SEMA3D: variants seen among roughly 807,000 people sequenced by gnomAD.
SEMA3D encodes semaphorin-3D.
In SEMA3D, 84 loss-of-function variants were observed where a neutral mutation model predicts 100.1. The ratio of observed to expected loss-of-function variants is 0.84; its 90% CI spans 0.70 to 1.01. SEMA3D has a LOEUF of 1.01. SEMA3D is among the 50% of genes least tolerant of loss of function. SEMA3D has a pLI of 0.00. For synonymous variants in SEMA3D, 312 were observed against 320.7 expected, an observed-to-expected ratio of 0.97 and a Z score of 0.29; for missense variants, 875 against 934.1, an observed-to-expected ratio of 0.94 and a Z score of 0.82.
At chr7:85,246,696 A>C in the SEMA3D span, among the ~76,000 whole-genome samples, 3 of 152,072 alleles carry the variant, frequency 2.0e-5, no homozygotes, top group Admixed American at 1.3e-4. Flanking sequence ...CACTGAAAAA[A>C]ACCTGATAAT....
Position 85,141,601 on chromosome 7 carries a change from C to G in SEMA3D, c.-41+12007G>C, listed in dbSNP as rs1790053924. ...TTACTTAAGTTCCCTTCTTTGTGATCTCTATAAATCATTTCTGGCACATAT... is the reference window on the plus strand; with the variant it reads ...TTACTTAAGTTCCCTTCTTTGTGATGTCTATAAATCATTTCTGGCACATAT... On this transcript the variant is annotated intron_variant, in intron 2 of 18. Coordinates refer to ENST00000284136, the MANE Select transcript of SEMA3D (RefSeq NM_001384900.1). 3 of 983,818 alleles carry G rather than the reference C, an allele frequency of 3.0e-6. No homozygotes were observed. The South Asian group carries it at 1.4e-4, about 46-fold the overall frequency. The allele number at this position is 983,818 out of a possible 1,614,324, so 60.9% of individuals were successfully genotyped here.
At chr7:85,194,288 A>C in the SEMA3D span, among the ~76,000 whole-genome samples, 1 of 152,238 alleles carries the variant, frequency 6.6e-6, no homozygotes, top group South Asian at 2.1e-4. Flanking sequence ...TTCTGATCTT[A>C]GTGATAAAGC....
chr7:85,142,575 G>A (rs1007926351), intron 2 of SEMA3D: 15 of 983,738 alleles, frequency 1.5e-5, no homozygotes, highest in African/African-American at 1.2e-4. Context: ...AGAGCAGAAC[G>A]TAGACAAGTT....
At chr7:85,224,465 T>G in the SEMA3D span, among the ~76,000 whole-genome samples, 1 of 152,262 alleles carries the variant, frequency 6.6e-6, no homozygotes, top group South Asian at 2.1e-4. Flanking sequence ...AAGTTATGGC[T>G]GAAATTAATT....
At chr7:85,090,596 G>T (rs1449361298) in intron 4 of SEMA3D, among the ~76,000 whole-genome samples, 2 of 152,084 alleles carry the variant, frequency 1.3e-5, no homozygotes, top group Non-Finnish European at 2.9e-5. Context: ...AAGTGAGAAG[G>T]TTATTTATTC....
chr7:85,113,091 C>T (rs765120665), intron 3 of SEMA3D, among the ~76,000 whole-genome samples: 14 of 152,004 alleles, frequency 9.2e-5, no homozygotes, highest in African/African-American at 2.4e-4. Context: ...GTGATGATGG[C>T]GAGATAGAAA....
chr7:85,167,125 G>T, intron 1 of SEMA3D: 1 of 247,756 alleles, frequency 4.0e-6, no homozygotes, highest in Non-Finnish European at 6.4e-6. Context: ...ACTGAGACCC[G>T]CCTGAAGATC....
chr7:85,129,694 A>C (rs1168763494), intron 2 of SEMA3D, among the ~76,000 whole-genome samples: 1 of 152,148 alleles, frequency 6.6e-6, no homozygotes, highest in African/African-American at 2.4e-5. Flanking sequence ...GAAAGCAGTA[A>C]ATAATTATGA....
chr7:85,070,866 C>T (rs774255751), intron 6 of SEMA3D, among the ~76,000 whole-genome samples: 3 of 152,128 alleles, frequency 2.0e-5, no homozygotes, highest in Non-Finnish European at 2.9e-5. Context: ...CTGCAACCTC[C>T]GCCTCCCGAG....
At chr7:85,113,777 G>A (rs200633137) in intron 3 of SEMA3D, among the ~76,000 whole-genome samples, 2 of 149,888 alleles carry the variant, frequency 1.3e-5, no homozygotes, top group African/African-American at 2.5e-5. Flanking sequence ...CTCAAAAAAA[G>A]AAAAAAAAGA....
chr7:85,087,555 C>T (rs1205062423), intron 4 of SEMA3D, among the ~76,000 whole-genome samples: 1 of 152,112 alleles, frequency 6.6e-6, no homozygotes, highest in Non-Finnish European at 1.5e-5. Context: ...ACAATACTTG[C>T]AAATTGGTTT....
chr7:85,066,913 C>CATACACACACAGGGAGAGAGAGAGAG, intron 7 of SEMA3D, among the ~76,000 whole-genome samples: 1 of 127,760 alleles, frequency 7.8e-6, no homozygotes, highest in Non-Finnish European at 1.6e-5. Context: ...CACACACACA[C>CATACACACACAGGGAGAGAGAGAGAG]AGAGAGAGAG....
chr7:85,125,681 C>T (rs374759644), intron 2 of SEMA3D, among the ~76,000 whole-genome samples: 2 of 152,072 alleles, frequency 1.3e-5, no homozygotes, highest in East Asian at 1.9e-4. Flanking sequence ...TTCTTCCCAA[C>T]AATCCTATAA....
chr7:85,045,794 G>A lies in SEMA3D; in HGVS notation c.862-3509C>T, dbSNP rs185097663. On this transcript the variant is annotated intron_variant, in intron 9 of 18. Coordinates refer to ENST00000284136, the MANE Select transcript of SEMA3D (RefSeq NM_001384900.1). The stretch of plus-strand genomic sequence containing the variant: ...GATAATTTTAAATGAATTTAAAAAT[G>A]TAAGATATTTCCCCATCTTTCTCAT... Among the ~76,000 whole-genome samples, 547 of 152,032 alleles carry A rather than the reference G, an allele frequency of 3.6e-3. 2 individuals carry two copies. Among genetic ancestry groups the A allele is most frequent in the African/African-American group, 0.013 (525 of 41,528 alleles).
chr7:85,151,603 G>C (rs1034400426), intron 2 of SEMA3D: 1 of 474,594 alleles, frequency 2.1e-6, no homozygotes, highest in Non-Finnish European at 2.4e-6. Flanking sequence ...GTATGCGTGT[G>C]TGTGTGTGTG....
intron 15 of SEMA3D, among the ~76,000 whole-genome samples, chr7:85,017,286 G>A (rs1790131137): frequency 1.3e-5 from 2 of 151,468 alleles, no homozygotes; most frequent in South Asian, 2.1e-4. Flanking sequence ...TCTTGTCTCT[G>A]TCTTTCTAGA....
the SEMA3D span, among the ~76,000 whole-genome samples, chr7:85,222,768 C>T: frequency 4.6e-5 from 7 of 152,150 alleles, no homozygotes; most frequent in African/African-American, 1.7e-4. Context: ...TAGGAGATAA[C>T]TATGAATTTG....
rs926398262 is a variant in SEMA3D at position 85,187,036 on chromosome 7, T to C, written c.-531A>G. On this transcript the variant is annotated 5_prime_UTR_variant, in exon 1 of 19. Transcript: ENST00000284136. ...TGTGGTGTGACCGCAGCAGCTGTCCTGGGAGAGACTCAGTCTTTCTAAAAA... is the reference window on the plus strand; with the variant it reads ...TGTGGTGTGACCGCAGCAGCTGTCCCGGGAGAGACTCAGTCTTTCTAAAAA... Among the ~76,000 whole-genome samples the C allele has an allele frequency of 1.3e-5, 2 of 152,120 alleles. No homozygotes were observed. The highest frequency in any genetic ancestry group is 4.8e-5 in the African/African-American group (2 of 41,426).
At chr7:85,221,950 A>T in the SEMA3D span, among the ~76,000 whole-genome samples, 1 of 152,052 alleles carries the variant, frequency 6.6e-6, no homozygotes, top group Non-Finnish European at 1.5e-5. Context: ...TCTTTTAGGA[A>T]GGCAAGAAAC....
Sources: allele counts gnomAD v4.1 joint callset (sites outside exome capture counted in the v4.1 genomes callset), GRCh38; gene constraint gnomAD v4.1.1; transcripts MANE v1.5; gene names NCBI Gene and HGNC (gene_info 2026-07-23, HGNC 2026-07-21).